The following SCAF8 variants were observed in gnomAD, a reference collection of about 807,000 sequenced individuals.
SCAF8 encodes the protein SR-related CTD associated factor 8.
Under a neutral mutation model 140.5 loss-of-function variants are expected in SCAF8, and 23 were observed. That is an observed-to-expected ratio of 0.16 (90% CI 0.12 to 0.23). The LOEUF (loss-of-function observed/expected upper bound fraction) is 0.23, where lower values mean the gene tolerates loss of function less well. SCAF8 is among the 10% of genes least tolerant of loss of function. The pLI is 1.00. For missense variants in SCAF8, 1,397 were observed against 1,555.7 expected (o/e 0.90, Z 1.72); for synonymous variants, 575 against 528.9 (o/e 1.09, Z -1.20).
chr6:154,832,755 A>G lies in SCAF8; in HGVS notation c.3176A>G (p.His1059Arg), dbSNP rs780033473. The change falls in exon 20 of 20, where the codon CAT becomes CGT. Residue 1059 changes from histidine (H) to arginine (R), a missense_variant. Physicochemically the swap from His to Arg is conservative, Grantham distance 29 (BLOSUM62 0). Around this residue, in one of 5 missense-constraint regions of SCAF8, gnomAD observed 930 missense variants for 874.6 expected, o/e 1.06. Transcript: ENST00000367178. The stretch of plus-strand genomic sequence containing the variant: ...CGGCCTCCACTAGATGGTAGGGATC[A>G]TTTTGGAAGACCTCCTGTAGATATA... ...PGRPPLDGRDHFGRPPVDIRE... is the reference protein window; with the variant it reads ...PGRPPLDGRDRFGRPPVDIRE... 2.5e-6 allele frequency: 4 copies of G among 1,613,998 alleles called. No homozygotes were observed. The highest frequency in any genetic ancestry group is 1.3e-5 in the African/African-American group (1 of 74,994).
intron 1 of SCAF8, among the ~76,000 whole-genome samples, chr6:154,769,198 T>A (rs1776667655): frequency 1.3e-5 from 2 of 152,160 alleles, no homozygotes. Flanking sequence ...AATAGTAACT[T>A]GAGTGTCTGC....
intron 5 of SCAF8, among the ~76,000 whole-genome samples, chr6:154,794,772 G>T (rs1777540240): frequency 7.6e-5 from 2 of 26,310 alleles, no homozygotes; most frequent in Non-Finnish European, 1.3e-4. Context: ...GGGGGGGGGG[G>T]TGTGGGGGGT....
chr6:154,790,879 A>G (rs1343482422), intron 4 of SCAF8, among the ~76,000 whole-genome samples: 2 of 152,166 alleles, frequency 1.3e-5, no homozygotes, highest in Non-Finnish European at 2.9e-5. Flanking sequence ...TCACGATAGT[A>G]GTAACTAGGA....
intron 1 of SCAF8, among the ~76,000 whole-genome samples, chr6:154,747,025 G>T (rs973450621): frequency 5.3e-5 from 8 of 152,154 alleles, no homozygotes; most frequent in African/African-American, 1.9e-4. Flanking sequence ...CTTAGATATG[G>T]AAAAGGATTT....
At chr6:154,759,156 A>G (rs1779038497) in intron 1 of SCAF8, among the ~76,000 whole-genome samples, 1 of 151,524 alleles carries the variant, frequency 6.6e-6, no homozygotes, top group Non-Finnish European at 1.5e-5. Flanking sequence ...TTTTGTCTTG[A>G]GTTGGGGATT....
At position 154,797,823 on chromosome 6, in the gene SCAF8, A is replaced by AT. The variant is rs1196839601; in HGVS notation, c.606+2689dup. Reference sequence around the variant, plus strand: ...ATGTAACCTGTTATATTTTTCTAACATTTTTCATTACTTAGATTACAAAGT... The same window carrying AT: ...ATGTAACCTGTTATATTTTTCTAACATTTTTTCATTACTTAGATTACAAAGT... On this transcript the variant is annotated intron_variant, in intron 6 of 19. Transcript: ENST00000367178. Among the ~76,000 whole-genome samples the AT allele has an allele frequency of 3.8e-4, 58 of 151,458 alleles. 2 individuals carry two copies. Among genetic ancestry groups the AT allele is most frequent in the Non-Finnish European group, 1.5e-4 (10 of 67,794 alleles).
At chr6:154,816,245 T>A (rs1778244712) in intron 13 of SCAF8, among the ~76,000 whole-genome samples, 4 of 152,238 alleles carry the variant, frequency 2.6e-5, no homozygotes, top group Non-Finnish European at 5.9e-5. Context: ...CTTTTGCCTT[T>A]TTCTTCTCAC....
At chr6:154,785,795 T>C (rs1777234168) in intron 3 of SCAF8, among the ~76,000 whole-genome samples, 1 of 152,172 alleles carries the variant, frequency 6.6e-6, no homozygotes, top group African/African-American at 2.4e-5. Flanking sequence ...GATGACAAAA[T>C]GAAAAATCAT....
chr6:154,764,967 A>G (rs767714455), intron 1 of SCAF8, among the ~76,000 whole-genome samples: 27 of 152,222 alleles, frequency 1.8e-4, no homozygotes, highest in Non-Finnish European at 3.5e-4. Context: ...TTACAGCAAT[A>G]TTAATAAATT....
chr6:154,797,881 C>T (rs927799295), intron 6 of SCAF8, among the ~76,000 whole-genome samples: 1 of 151,378 alleles, frequency 6.6e-6, no homozygotes, highest in Admixed American at 6.6e-5. Context: ...TGTAAGTATT[C>T]TCTTTGCTTG....
chr6:154,784,875 A>G (rs1777206762), intron 3 of SCAF8, among the ~76,000 whole-genome samples: 1 of 152,112 alleles, frequency 6.6e-6, no homozygotes, highest in African/African-American at 2.4e-5. Context: ...TATACAGCCA[A>G]ATTTTTATAA....
chr6:154,736,520 G>T (rs975121753), intron 1 of SCAF8, among the ~76,000 whole-genome samples: 2 of 151,480 alleles, frequency 1.3e-5, no homozygotes, highest in African/African-American at 2.4e-5. Flanking sequence ...GATCCACCCG[G>T]CTCGGCCTCC....
chr6:154,756,870 A>G (rs763634545), intron 1 of SCAF8, among the ~76,000 whole-genome samples: 7 of 152,032 alleles, frequency 4.6e-5, no homozygotes, highest in Non-Finnish European at 1.0e-4. Flanking sequence ...TCTACAAGAA[A>G]TACAAAAATT....
intron 1 of SCAF8, among the ~76,000 whole-genome samples, chr6:154,765,539 A>C (rs2114831349): frequency 6.6e-6 from 1 of 152,368 alleles, no homozygotes; most frequent in East Asian, 1.9e-4. Flanking sequence ...AGTAGATGTC[A>C]GTAGACATTT....
At chr6:154,754,829 A>G (rs1309942522) in intron 1 of SCAF8, among the ~76,000 whole-genome samples, 1 of 152,062 alleles carries the variant, frequency 6.6e-6, no homozygotes, top group Non-Finnish European at 1.5e-5. Context: ...AATTACTTGT[A>G]TTTTTTAATT....
At chr6:154,822,455 T>C in intron 16 of SCAF8, 46 bp downstream of exon 16, 1 of 1,559,092 alleles carries the variant, frequency 6.4e-7, no homozygotes, top group Non-Finnish European at 8.7e-7. Context: ...TGTTTTACAT[T>C]TCTGTTTTTA....
At chr6:154,817,336 T>C (rs1778283221) in intron 13 of SCAF8, among the ~76,000 whole-genome samples, 1 of 152,234 alleles carries the variant, frequency 6.6e-6, no homozygotes, top group African/African-American at 2.4e-5. Flanking sequence ...ATTTGTAATC[T>C]TTCTTGTATC....
At chr6:154,754,359 A>G (rs1583004620) in intron 1 of SCAF8, among the ~76,000 whole-genome samples, 1 of 152,332 alleles carries the variant, frequency 6.6e-6, no homozygotes, top group East Asian at 1.9e-4. Context: ...ACAGTCATCC[A>G]TCATCTGATT....
At chr6:154,814,710 T>G (rs1218367063) in intron 12 of SCAF8, among the ~76,000 whole-genome samples, 4 of 152,258 alleles carry the variant, frequency 2.6e-5, no homozygotes, top group Non-Finnish European at 5.9e-5. Context: ...AGGTGTCAGC[T>G]ATAAATATTT....
Sources: allele counts gnomAD v4.1 joint callset (sites outside exome capture counted in the v4.1 genomes callset), GRCh38; gene constraint gnomAD v4.1.1; regional missense constraint gnomAD v4.1.1; transcripts MANE v1.5; gene names NCBI Gene and HGNC (gene_info 2026-07-23, HGNC 2026-07-21).